TBC1D32: variants seen among roughly 807,000 people sequenced by gnomAD.
TBC1D32 encodes the protein protein broad-minded.
TBC1D32 carries 151 observed loss-of-function variants against 170.3 expected under a neutral mutation model. That is an observed-to-expected ratio of 0.89 (90% CI 0.78 to 1.01). TBC1D32 has a LOEUF of 1.01. Ranked by LOEUF, TBC1D32 falls within the 50% of genes least tolerant of loss-of-function variation. The pLI is 0.00. For synonymous variants in TBC1D32, 498 were observed against 488.0 expected (o/e 1.02, Z -0.27); for missense variants, 1,464 against 1,457.1 (o/e 1.00, Z -0.08).
At position 121,242,453 on chromosome 6, in the gene TBC1D32, T is replaced by C. The variant is rs151298888; in HGVS notation, c.2019-114A>G. Reference sequence around the variant, plus strand: ...TACAATTAAAGTTACACAGTATATATTGGTTGCAAATTAATCAATAAAGGT... The same window carrying C: ...TACAATTAAAGTTACACAGTATATACTGGTTGCAAATTAATCAATAAAGGT... On this transcript the variant is annotated intron_variant, in intron 17 of 31. Coordinates refer to ENST00000398212, the MANE Select transcript of TBC1D32 (RefSeq NM_152730.6). The C allele has an allele frequency of 6.9e-4, 668 of 973,300 alleles. 10 individuals carry two copies. The East Asian group carries it at 0.015, about 21-fold the overall frequency. The allele number at this position is 973,300 out of a possible 1,614,324, so 60.3% of individuals were successfully genotyped here.
intron 22 of TBC1D32, among the ~76,000 whole-genome samples, chr6:121,202,478 T>A (rs886586605): frequency 6.6e-6 from 1 of 151,200 alleles, no homozygotes; most frequent in Non-Finnish European, 1.5e-5. Flanking sequence ...GATCTAGCGA[T>A]GAGCAGGATG....
chr6:121,101,155 G>A (rs1040295073), intron 30 of TBC1D32, among the ~76,000 whole-genome samples: 3 of 151,974 alleles, frequency 2.0e-5, no homozygotes, highest in African/African-American at 4.8e-5. Context: ...TTCTACCAGA[G>A]GTACAAGGAG....
At chr6:121,287,991 A>C (rs1409630062) in intron 12 of TBC1D32, among the ~76,000 whole-genome samples, 2 of 152,214 alleles carry the variant, frequency 1.3e-5, no homozygotes, top group East Asian at 3.8e-4. Context: ...TCTCTGGGAC[A>C]CATTCAAAAC....
chr6:121,152,668 G>T (rs1020301910), intron 24 of TBC1D32, among the ~76,000 whole-genome samples: 1 of 152,076 alleles, frequency 6.6e-6, no homozygotes, highest in African/African-American at 2.4e-5. Context: ...TTTTCTCATA[G>T]TCTCATATTT....
In TBC1D32 at chr6:121,203,662, T is replaced by C. The variant is rs151083440; in HGVS notation, c.2570+1413A>G. 1.3e-4 allele frequency among the ~76,000 whole-genome samples: 20 copies of C among 151,392 alleles called. No homozygotes were observed. In the East Asian group the frequency reaches 3.1e-3, roughly 23 times the overall value. ...CTCTGTAAGGAAAATAATGTAATTA[T>C]CCTCCACTTTACAGATGAGTAACTG... On this transcript the variant is annotated intron_variant, in intron 22 of 31. Coordinates refer to ENST00000398212, the MANE Select transcript of TBC1D32 (RefSeq NM_152730.6).
At chr6:121,280,337 C>G (rs1486031901) in intron 14 of TBC1D32, among the ~76,000 whole-genome samples, 3 of 151,614 alleles carry the variant, frequency 2.0e-5, no homozygotes, top group Non-Finnish European at 4.4e-5. Flanking sequence ...GCAATAAACA[C>G]GTATTATTCA....
chr6:121,268,709 T>C (rs533049631), intron 15 of TBC1D32, among the ~76,000 whole-genome samples: 11 of 152,146 alleles, frequency 7.2e-5, no homozygotes, highest in Admixed American at 1.3e-4. Context: ...CCAGGAGAAC[T>C]TCCCCAACCT....
At chr6:121,107,499 T>C (rs145468846) in intron 29 of TBC1D32, among the ~76,000 whole-genome samples, 486 of 152,028 alleles carry the variant, frequency 3.2e-3, no homozygotes, top group African/African-American at 0.011. Flanking sequence ...GCACAGTAAA[T>C]GGATATCTTG....
intron 24 of TBC1D32, among the ~76,000 whole-genome samples, chr6:121,137,209 A>G (rs1782190465): frequency 6.6e-6 from 1 of 152,100 alleles, no homozygotes; most frequent in African/African-American, 2.4e-5. Context: ...AATCCCTTTT[A>G]AACTCACAAT....
At chr6:121,293,598 C>T (rs76496637) in intron 11 of TBC1D32, among the ~76,000 whole-genome samples, 4,991 of 152,196 alleles carry the variant, frequency 0.033, 192 homozygotes, top group East Asian at 0.12. Flanking sequence ...TCAGAATAAG[C>T]AGGGAGGCCT....
chr6:121,172,372 A>T (rs1437221875), intron 22 of TBC1D32, among the ~76,000 whole-genome samples: 1 of 152,172 alleles, frequency 6.6e-6, no homozygotes, highest in Non-Finnish European at 1.5e-5. Context: ...AAATCAGTGT[A>T]CTACTCCACA....
chr6:121,307,637 A>G (rs1807529507), intron 5 of TBC1D32, among the ~76,000 whole-genome samples: 1 of 152,136 alleles, frequency 6.6e-6, no homozygotes, highest in African/African-American at 2.4e-5. Context: ...AGGTGGGCGG[A>G]TCACCTGAGG....
intron 24 of TBC1D32, among the ~76,000 whole-genome samples, chr6:121,132,085 G>A (rs367873950): frequency 6.6e-6 from 1 of 152,016 alleles, no homozygotes. Flanking sequence ...ATTTCACTAT[G>A]TGGACTGACA....
At chr6:121,145,904 T>C (rs1344020816) in intron 24 of TBC1D32, among the ~76,000 whole-genome samples, 1 of 152,142 alleles carries the variant, frequency 6.6e-6, no homozygotes, top group Admixed American at 6.5e-5. Flanking sequence ...AAAAGTGATA[T>C]TAAATGACTA....
chr6:121,254,836 C>T (rs1798758588), intron 17 of TBC1D32, among the ~76,000 whole-genome samples: 1 of 151,990 alleles, frequency 6.6e-6, no homozygotes, highest in African/African-American at 2.4e-5. Context: ...ACTCCATATC[C>T]TACTGATATC....
chr6:121,313,443 C>T (rs1055712840), intron 3 of TBC1D32, among the ~76,000 whole-genome samples: 1 of 151,850 alleles, frequency 6.6e-6, no homozygotes, highest in African/African-American at 2.4e-5. Flanking sequence ...GCCACTATAC[C>T]TGGCTGATTT....
intron 12 of TBC1D32, among the ~76,000 whole-genome samples, chr6:121,290,896 A>G (rs1804736821): frequency 6.6e-6 from 1 of 152,098 alleles, no homozygotes; most frequent in African/African-American, 2.4e-5. Flanking sequence ...AAACTATCTC[A>G]AGGACAAAAA....
intron 24 of TBC1D32, among the ~76,000 whole-genome samples, chr6:121,157,018 A>AT (rs141363128): frequency 6.6e-4 from 100 of 152,242 alleles, no homozygotes; most frequent in African/African-American, 2.4e-3. Flanking sequence ...GATACTTATT[A>AT]GGTCTACTTC....
intron 17 of TBC1D32, among the ~76,000 whole-genome samples, chr6:121,247,392 C>T (rs1563066266): frequency 6.6e-6 from 1 of 150,956 alleles, no homozygotes; most frequent in Non-Finnish European, 1.5e-5. Flanking sequence ...TCTCACAGGG[C>T]TTATAAAACA....
Sources: gnomAD v4.1 joint callset for allele counts (sites outside exome capture counted in the v4.1 genomes callset) on GRCh38, gnomAD v4.1.1 for gene constraint, MANE v1.5 for transcripts, NCBI Gene and HGNC (gene_info 2026-07-23, HGNC 2026-07-21) for gene names.